The following NANOS2 variants were observed in gnomAD, a reference collection of about 807,000 sequenced individuals.
The protein encoded by NANOS2 is nanos C2HC-type zinc finger 2.
A neutral mutation model predicts 6.4 loss-of-function variants in NANOS2; 3 were observed. The ratio of observed to expected loss-of-function variants is 0.47; its 90% confidence interval spans 0.22 to 1.22. The LOEUF (loss-of-function observed/expected upper bound fraction) is 1.22. Among genes scored for constraint, NANOS2 ranks in the 50% most tolerant of loss-of-function variants. The pLI is 0.22. For synonymous variants in NANOS2, 86 were observed against 85.6 expected, an observed-to-expected ratio of 1.00 and a Z score of -0.03; for missense variants, 177 against 191.0, an observed-to-expected ratio of 0.93 and a Z score of 0.43.
In NANOS2 at chr19:45,914,176, A is replaced by C; in HGVS notation, c.*101T>G. On this transcript the variant is annotated 3_prime_UTR_variant, in exon 1 of 1. Coordinates refer to ENST00000341294, the MANE Select transcript of NANOS2 (RefSeq NM_001029861.3). Reference sequence around the variant, plus strand: ...CAGCCAGGGTGGAGTTCTGGGGGCCAGAAATTCCAAAGGGCTGGGTGACTG... The same window carrying C: ...CAGCCAGGGTGGAGTTCTGGGGGCCCGAAATTCCAAAGGGCTGGGTGACTG... 3.2e-6 allele frequency: 4 copies of C among 1,231,380 alleles called. No individual in the cohort carries two copies. Among genetic ancestry groups the C allele is most frequent in the Non-Finnish European group, 4.5e-6 (4 of 898,676 alleles). The allele number at this position is 1,231,380 out of a possible 1,614,324, so 76.3% of individuals were successfully genotyped here.
rs747390183 is a variant in NANOS2 at position 45,914,533 on chromosome 19, C to A, written c.161G>T (p.Gly54Val). The change falls in exon 1 of 1, where the codon GGG becomes GTG. Residue 54 changes from glycine to valine, a missense_variant. Gly to Val is a moderately radical substitution (Grantham distance 109). Transcript: ENST00000341294. ...LGQDQGLGAP[G>V]ANGGLGTLCN... is the part of the protein sequence containing the mutation. ...CAGGGTCCCCAGGCCCCCGTTGGCC[C>A]CTGGCGCCCCCAGCCCCTGATCCTG... 3.7e-6 allele frequency: 6 copies of A among 1,614,100 alleles called. No individual in the cohort carries two copies. The highest frequency in any genetic ancestry group is 5.1e-6 in the Non-Finnish European group (6 of 1,179,978).
At position 45,914,674 on chromosome 19, in the gene NANOS2, T is replaced by A; in HGVS notation, c.20A>T (p.Asp7Val). 1 of 1,612,556 alleles carries A rather than the reference T, an allele frequency of 6.2e-7. No individual in the cohort carries two copies. The highest frequency in any genetic ancestry group is 8.5e-7 in the Non-Finnish European group (1 of 1,178,806). The change falls in exon 1 of 1, where the codon GAC (aspartate) becomes GTC (valine). Residue 7 changes from aspartate (D) to valine (V), a missense_variant. By Grantham distance (152) the Asp-to-Val change is radical (BLOSUM62 -3). Coordinates refer to ENST00000341294, the MANE Select transcript of NANOS2 (RefSeq NM_001029861.3). ...CAGGTTGAAGTAGTCCTTCCACATG[T>A]CGAAGGGTGGCAGCTGCATGGCACC... Reference protein sequence around the residue: MQLPPFDMWKDYFNLSQ... With the variant: MQLPPFVMWKDYFNLSQ...
chr19:45,913,904 T>C lies in NANOS2; in HGVS notation c.*373A>G. On this transcript the variant is annotated 3_prime_UTR_variant, in exon 1 of 1. Coordinates refer to ENST00000341294, the MANE Select transcript of NANOS2 (RefSeq NM_001029861.3). Reference sequence around the variant, plus strand: ...GACAGCACCGTGGAATCCTGGAGGTTCAAAAATCCAAGAACTCCACAAGGA... The same window carrying C: ...GACAGCACCGTGGAATCCTGGAGGTCCAAAAATCCAAGAACTCCACAAGGA... The C allele has an allele frequency of 4.2e-6, 1 of 235,584 alleles. No individual in the cohort carries two copies. Among genetic ancestry groups the C allele is most frequent in the Non-Finnish European group, 8.4e-6 (1 of 119,728 alleles). The allele number at this position is 235,584 out of a possible 1,614,324, so 14.6% of individuals were successfully genotyped here.
At position 45,914,763 on chromosome 19, in the gene NANOS2, G is replaced by A. The variant is rs1017575385; in HGVS notation, c.-70C>T. On this transcript the variant is annotated 5_prime_UTR_variant, in exon 1 of 1. Transcript: ENST00000341294. The stretch of plus-strand genomic sequence containing the variant: ...TGGGGGCCCGTGGGCAAGGGCAAGA[G>A]CAGCAGGCGTTTCCCAGAGCAGAAG... 7.6e-6 allele frequency: 11 copies of A among 1,453,882 alleles called. No individual in the cohort carries two copies. Among genetic ancestry groups the A allele is most frequent in the Non-Finnish European group, 9.3e-6 (10 of 1,069,976 alleles). 90.1% of individuals were successfully genotyped at this position (1,453,882 alleles called of 1,614,324 possible). A position where few individuals can be genotyped will look rare whatever the true frequency, so the allele number is the denominator to read the frequency against.
In NANOS2 at chr19:45,914,309, G is replaced by T. The variant is rs1205550114; in HGVS notation, c.385C>A (p.Arg129Ser). ...GQQSLYRRSG[R>S]NSAGRRVKR ...TTGACCCTGCGTCCGGCCGAGTTGC[G>T]CCCGCTGCGGCGGTAGAGGGACTGC... Residue 129 changes from arginine to serine, a missense_variant, in exon 1 of 1, where the codon CGC (arginine) becomes AGC (serine). By Grantham distance (110) the Arg-to-Ser change is moderately radical. Coordinates refer to ENST00000341294, the MANE Select transcript of NANOS2 (RefSeq NM_001029861.3). The T allele has an allele frequency of 3.1e-6, 5 of 1,613,314 alleles. No homozygotes were observed. Among genetic ancestry groups the T allele is most frequent in the Non-Finnish European group, 4.2e-6 (5 of 1,179,824 alleles).
chr19:45,914,099 C>G lies in NANOS2; in HGVS notation c.*178G>C. The G allele has an allele frequency of 1.5e-6, 1 of 674,872 alleles. No homozygotes were observed. The highest frequency in any genetic ancestry group is 2.5e-6 in the Non-Finnish European group (1 of 404,964). 41.8% of individuals were successfully genotyped at this position (674,872 alleles called of 1,614,324 possible). On this transcript the variant is annotated 3_prime_UTR_variant, in exon 1 of 1. Coordinates refer to ENST00000341294, the MANE Select transcript of NANOS2 (RefSeq NM_001029861.3). The stretch of plus-strand genomic sequence containing the variant: ...GCCAGAGCTCCGAGGGCTGACAGGT[C>G]CAAGGGGGCGGGGCTGGCCTGGCTC...
rs377721853 is a variant in NANOS2, at chr19:45,914,443, G to A, written c.251C>T (p.Pro84Leu). The A allele has an allele frequency of 5.0e-6, 8 of 1,614,082 alleles. No individual in the cohort carries two copies. In the Admixed American group the frequency reaches 5.0e-5, roughly 10 times the overall value. ...GATGGGACACACCACCACGCCATCC[G>A]GTGTCTTCAGCTGGTGTGAGGAGTA... ...HVYSSHQLKT[P>L]DGVVVCPILR... is the part of the protein sequence containing the mutation. Residue 84 changes from proline (P) to leucine (L), a missense_variant, in exon 1 of 1, where the codon CCG (proline) becomes CTG (leucine). Transcript: ENST00000341294.
Position 45,914,095 on chromosome 19 carries a change from A to T in NANOS2, c.*182T>A. On this transcript the variant is annotated 3_prime_UTR_variant, in exon 1 of 1. Transcript: ENST00000341294. ...ACAGGCCAGAGCTCCGAGGGCTGAC[A>T]GGTCCAAGGGGGCGGGGCTGGCCTG... is the stretch of plus-strand genomic sequence containing the variant. The T allele has an allele frequency of 1.5e-6, 1 of 650,954 alleles. No homozygotes were observed. The highest frequency in any genetic ancestry group is 2.6e-6 in the Non-Finnish European group (1 of 385,530). The allele number at this position is 650,954 out of a possible 1,614,324, so 40.3% of individuals were successfully genotyped here.
Position 45,914,672 on chromosome 19 carries a change from T to C in NANOS2, c.22A>G (p.Met8Val). The change falls in exon 1 of 1, where the codon ATG becomes GTG. Residue 8 changes from methionine to valine, a missense_variant. Coordinates refer to ENST00000341294, the MANE Select transcript of NANOS2 (RefSeq NM_001029861.3). Reference sequence around the variant, plus strand: ...CTCAGGTTGAAGTAGTCCTTCCACATGTCGAAGGGTGGCAGCTGCATGGCA... The same window carrying C: ...CTCAGGTTGAAGTAGTCCTTCCACACGTCGAAGGGTGGCAGCTGCATGGCA... MQLPPFD[M>V]WKDYFNLSQV... 6.2e-7 allele frequency: 1 copy of C among 1,612,582 alleles called. No homozygotes were observed. Among genetic ancestry groups the C allele is most frequent in the South Asian group, 1.1e-5 (1 of 91,038 alleles).
chr19:45,914,250 G>T lies in NANOS2; in HGVS notation c.*27C>A, dbSNP rs1324789436. On this transcript the variant is annotated 3_prime_UTR_variant, in exon 1 of 1. Coordinates refer to ENST00000341294, the MANE Select transcript of NANOS2 (RefSeq NM_001029861.3). ...GTGGGATGGACCAGGAGGGTCAGGG[G>T]TGCGGGTGGTGAGCATCTCACGATG... is the stretch of plus-strand genomic sequence containing the variant. 2.1e-5 allele frequency: 34 copies of T among 1,588,838 alleles called. No individual in the cohort carries two copies. The highest frequency in any genetic ancestry group is 2.9e-5 in the Non-Finnish European group (34 of 1,165,818).
In NANOS2 at chr19:45,913,425, C is replaced by T. The variant is rs1452579708; in HGVS notation, c.*852G>A. ...GACTTGAACGTTGGAGGTTGAAAAA[C>T]ACAGGAGGAAAAAAAAATGTCCTTT... is the stretch of plus-strand genomic sequence containing the variant. On this transcript the variant is annotated 3_prime_UTR_variant, in exon 1 of 1. Coordinates refer to ENST00000341294, the MANE Select transcript of NANOS2 (RefSeq NM_001029861.3). 6.6e-6 allele frequency: 1 copy of T among 151,980 alleles called. No homozygotes were observed. Among genetic ancestry groups the T allele is most frequent in the Non-Finnish European group, 1.5e-5 (1 of 67,992 alleles). The allele number at this position is 151,980 out of a possible 1,614,324, so 9.4% of individuals were successfully genotyped here. A position where few individuals can be genotyped will look rare whatever the true frequency, so the allele number is the denominator to read the frequency against.
At position 45,914,440 on chromosome 19, in the gene NANOS2, T is replaced by G. The variant is rs746308360; in HGVS notation, c.254A>C (p.Asp85Ala). Residue 85 changes from aspartate (D) to alanine (A), a missense_variant, in exon 1 of 1, where the codon GAT becomes GCT. By Grantham distance (126) the Asp-to-Ala change is moderately radical. Transcript: ENST00000341294. ...VYSSHQLKTP[D>A]GVVVCPILRH... Reference sequence around the variant, plus strand: ...CAGGATGGGACACACCACCACGCCATCCGGTGTCTTCAGCTGGTGTGAGGA... The same window carrying G: ...CAGGATGGGACACACCACCACGCCAGCCGGTGTCTTCAGCTGGTGTGAGGA... 6.2e-7 allele frequency: 1 copy of G among 1,614,146 alleles called. No homozygotes were observed. Among genetic ancestry groups the G allele is most frequent in the Non-Finnish European group, 8.5e-7 (1 of 1,180,004 alleles).
rs1967443375 is a variant in NANOS2 at position 45,914,207 on chromosome 19, G to T, written c.*70C>A. ...TCCAAAGGGCTGGGTGACTGGAAGAGAGAGTTTAGGGACTTGGGTGGGATG... is the reference window on the plus strand; with the variant it reads ...TCCAAAGGGCTGGGTGACTGGAAGATAGAGTTTAGGGACTTGGGTGGGATG... On this transcript the variant is annotated 3_prime_UTR_variant, in exon 1 of 1. Transcript: ENST00000341294. 7.1e-7 allele frequency: 1 copy of T among 1,418,272 alleles called. No homozygotes were observed. Among genetic ancestry groups the T allele is most frequent in the East Asian group, 2.4e-5 (1 of 41,138 alleles). 87.9% of individuals were successfully genotyped at this position (1,418,272 alleles called of 1,614,324 possible). A position where few individuals can be genotyped will look rare whatever the true frequency, so the allele number is the denominator to read the frequency against.
In NANOS2 at chr19:45,914,723, G is replaced by A. The variant is rs1359608832; in HGVS notation, c.-30C>T. On this transcript the variant is annotated 5_prime_UTR_variant, in exon 1 of 1. Transcript: ENST00000341294. ...CCAAAGCAGGGGTGGTGGGCCACAG[G>A]AGAGGGGCTGGGGCTGGGGGCCCGT... The A allele has an allele frequency of 6.3e-7, 1 of 1,583,638 alleles. No individual in the cohort carries two copies.
rs757826823 is a variant in NANOS2, at chr19:45,914,612, GA to G, written c.81del (p.Gln28LysfsTer54). On this transcript the variant is annotated frameshift_variant, in exon 1 of 1. Coordinates refer to ENST00000341294, the MANE Select transcript of NANOS2 (RefSeq NM_001029861.3). LOFTEE classifies it low-confidence loss of function (END_TRUNC). ...QVVWALIASR[G>X]QRLETQEIEE... ...TCAATCTCTTGGGTCTCCAGCCTTT[GA>G]CCCCGACTTGCGATCAGCGCCCACA... 23 of 1,614,102 alleles carry G rather than the reference GA, an allele frequency of 1.4e-5. No homozygotes were observed. In the South Asian group the frequency reaches 2.4e-4, roughly 17 times the overall value.
Position 45,914,207 on chromosome 19 carries a change from G to C in NANOS2, c.*70C>G, listed in dbSNP as rs1967443375. ...TCCAAAGGGCTGGGTGACTGGAAGAGAGAGTTTAGGGACTTGGGTGGGATG... is the reference window on the plus strand; with the variant it reads ...TCCAAAGGGCTGGGTGACTGGAAGACAGAGTTTAGGGACTTGGGTGGGATG... On this transcript the variant is annotated 3_prime_UTR_variant, in exon 1 of 1. Coordinates refer to ENST00000341294, the MANE Select transcript of NANOS2 (RefSeq NM_001029861.3). The C allele has an allele frequency of 7.1e-7, 1 of 1,418,274 alleles. No homozygotes were observed. Among genetic ancestry groups the C allele is most frequent in the Non-Finnish European group, 9.6e-7 (1 of 1,046,968 alleles). 87.9% of individuals were successfully genotyped at this position (1,418,274 alleles called of 1,614,324 possible).
chr19:45,914,333 G>A lies in NANOS2; in HGVS notation c.361C>T (p.Gln121Ter). ...LKYCPLNGGQ[Q>*]SLYRRSGRNS... ...CGCCCGCTGCGGCGGTAGAGGGACT[G>A]CTGGCCACCGTTAAGCGGGCAGTAC... The change falls in exon 1 of 1, where the codon CAG becomes TAG. Residue 121 changes from glutamine (Q) to a stop codon, truncating the protein, a stop_gained. Coordinates refer to ENST00000341294, the MANE Select transcript of NANOS2 (RefSeq NM_001029861.3). LOFTEE classifies it high-confidence loss of function. The A allele has an allele frequency of 1.9e-6, 3 of 1,613,870 alleles. No individual in the cohort carries two copies. Among genetic ancestry groups the A allele is most frequent in the African/African-American group, 1.3e-5 (1 of 75,068 alleles).
rs115649733 is a variant in NANOS2, at chr19:45,913,940, C to T, written c.*337G>A. ...AGAACTCCACAAGGAACAGAGAAGT[C>T]GAAGGGGCAGGGCTCCAGTCACCAG... On this transcript the variant is annotated 3_prime_UTR_variant, in exon 1 of 1. Coordinates refer to ENST00000341294, the MANE Select transcript of NANOS2 (RefSeq NM_001029861.3). The T allele has an allele frequency of 2.1e-4, 71 of 332,320 alleles. No individual in the cohort carries two copies. Among genetic ancestry groups the T allele is most frequent in the African/African-American group, 1.3e-3 (65 of 48,686 alleles). 20.6% of individuals were successfully genotyped at this position (332,320 alleles called of 1,614,324 possible). A position where few individuals can be genotyped will look rare whatever the true frequency, so the allele number is the denominator to read the frequency against.
Position 45,914,576 on chromosome 19 carries a change from G to A in NANOS2, c.118C>T (p.Pro40Ser). The A allele has an allele frequency of 4.3e-6, 7 of 1,614,198 alleles. No individual in the cohort carries two copies. Among genetic ancestry groups the A allele is most frequent in the Non-Finnish European group, 5.9e-6 (7 of 1,180,016 alleles). ...LETQEIEEPS[P>S]GPPLGQDQGL... ...TGATCCTGCCCCAGCGGAGGCCCGG[G>A]ACTTGGCTCCTCAATCTCTTGGGTC... The change falls in exon 1 of 1, where the codon CCC becomes TCC. Residue 40 changes from proline (P) to serine (S), a missense_variant. Pro to Ser is a moderately conservative substitution (Grantham distance 74, BLOSUM62 -1). Transcript: ENST00000341294.
Sources: gnomAD v4.1 joint callset for allele counts on GRCh38, gnomAD v4.1.1 for gene constraint, MANE v1.5 for transcripts, NCBI Gene and HGNC (gene_info 2026-07-23, HGNC 2026-07-21) for gene names.